TET1: variants seen among roughly 807,000 people sequenced by gnomAD.
The protein encoded by TET1 is tet methylcytosine dioxygenase 1.
Under a neutral mutation model 148.7 loss-of-function variants are expected in TET1, and 13 were observed. The ratio of observed to expected loss-of-function variants is 0.09; its 90% CI spans 0.06 to 0.14. TET1 has a LOEUF of 0.14. TET1 is among the 10% of genes least tolerant of loss of function. The pLI is 1.00. For missense variants in TET1, 2,182 were observed against 2,553.8 expected, an observed-to-expected ratio of 0.85 and a Z score of 3.14; for synonymous variants, 907 against 937.2, an observed-to-expected ratio of 0.97 and a Z score of 0.59.
At chr10:68,582,840 T>C (rs1485992610) in intron 2 of TET1, among the ~76,000 whole-genome samples, 1 of 152,198 alleles carries the variant, frequency 6.6e-6, no homozygotes, top group Non-Finnish European at 1.5e-5. Context: ...AATCTCTTTG[T>C]ATCACTACTG....
chr10:68,688,770 G>A (rs1478445023), intron 11 of TET1, among the ~76,000 whole-genome samples: 1 of 151,930 alleles, frequency 6.6e-6, no homozygotes, highest in Non-Finnish European at 1.5e-5. Flanking sequence ...AGTTGTTCCA[G>A]GCTTATCTAT....
intron 4 of TET1, among the ~76,000 whole-genome samples, chr10:68,647,352 C>T (rs2054866451): frequency 6.6e-6 from 1 of 152,134 alleles, no homozygotes; most frequent in Non-Finnish European, 1.5e-5. Context: ...GCCTGTAATC[C>T]CAACATTTTG....
At chr10:68,627,966 GC>G (rs1183456147) in intron 3 of TET1, among the ~76,000 whole-genome samples, 4 of 151,854 alleles carry the variant, frequency 2.6e-5, no homozygotes, top group Admixed American at 2.0e-4. Context: ...GCACTGCCGT[GC>G]CCGGCCCCCA....
At position 68,681,387 on chromosome 10, in the gene TET1, G is replaced by A. The variant is rs753675881; in HGVS notation, c.4825-12G>A. 1 of 1,582,142 alleles carries A rather than the reference G, an allele frequency of 6.3e-7. No homozygotes were observed. Among genetic ancestry groups the A allele is most frequent in the Admixed American group, 1.7e-5 (1 of 59,372 alleles). ...GATTATAAAATACCTAATGGATTCT[G>A]TTTTCCTATAGGAAAAAAACCTTGA... On this transcript the variant is annotated splice_polypyrimidine_tract_variant and intron_variant, in intron 8 of 11. Transcript: ENST00000373644.
intron 1 of TET1, among the ~76,000 whole-genome samples, chr10:68,561,548 C>T (rs1360871751): frequency 6.6e-6 from 1 of 152,182 alleles, no homozygotes; most frequent in Non-Finnish European, 1.5e-5. Context: ...GGAGCGGGCC[C>T]CGAGGGTGGG....
chr10:68,584,335 C>T (rs2132821637), intron 2 of TET1, among the ~76,000 whole-genome samples: 1 of 151,842 alleles, frequency 6.6e-6, no homozygotes. Flanking sequence ...AGCCACTGCG[C>T]CCGGCCATGA....
intron 4 of TET1, among the ~76,000 whole-genome samples, chr10:68,647,402 G>T (rs1309517350): frequency 6.6e-6 from 1 of 152,110 alleles, no homozygotes; most frequent in African/African-American, 2.4e-5. Context: ...TCAAGAGTTT[G>T]ATACTAGCCT....
In TET1 at chr10:68,646,674, C is replaced by T. The variant is rs191534681; in HGVS notation, c.3945C>T (p.Gly1315=). 20 of 1,614,102 alleles carry T rather than the reference C, an allele frequency of 1.2e-5. No individual in the cohort carries two copies. Among genetic ancestry groups the T allele is most frequent in the African/African-American group, 4.0e-5 (3 of 75,022 alleles). ...PPNQCANVMA[G]DDQIRFQQVV... is the part of the protein sequence containing the mutation. ...ACCAGTGTGCTAACGTGATGGCAGGCGATGACCAAATACGGTTTCAGCAGG... is the reference window on the plus strand; with the variant it reads ...ACCAGTGTGCTAACGTGATGGCAGGTGATGACCAAATACGGTTTCAGCAGG... The change falls in exon 4 of 12, where the codon GGC becomes GGT. Residue 1315 remains glycine (G), a synonymous_variant. Coordinates refer to ENST00000373644, the MANE Select transcript of TET1 (RefSeq NM_030625.3).
intron 3 of TET1, among the ~76,000 whole-genome samples, chr10:68,609,012 A>T (rs548050551): frequency 6.6e-6 from 1 of 151,012 alleles, no homozygotes; most frequent in African/African-American, 2.4e-5. Flanking sequence ...TTGTTTGTTT[A>T]TATGTTTTTA....
chr10:68,615,565 C>T (rs535723936), intron 3 of TET1, among the ~76,000 whole-genome samples: 3 of 152,114 alleles, frequency 2.0e-5, no homozygotes, highest in East Asian at 1.9e-4. Context: ...AGGCTGGTCA[C>T]GAACTCCTGA....
chr10:68,651,384 G>C (rs12243126), intron 4 of TET1, among the ~76,000 whole-genome samples: 29,698 of 151,856 alleles, frequency 0.2, 3,723 homozygotes, highest in African/African-American at 0.35. Flanking sequence ...CCGGGAGGCG[G>C]AGCTTGCAGT....
Position 68,601,033 on chromosome 10 carries a change from A to G in TET1, c.1967A>G (p.Lys656Arg). 1 of 1,602,706 alleles carries G rather than the reference A, an allele frequency of 6.2e-7. No homozygotes were observed. The change falls in exon 3 of 12, where the codon AAG becomes AGG. Residue 656 changes from lysine to arginine, a missense_variant and splice_region_variant. Around this residue, in one of 11 missense-constraint regions of TET1, gnomAD observed 226 missense variants for 307.4 expected, o/e 0.74. Transcript: ENST00000373644. ...AGGGAAAAGAAGCCCAAAGTTTTAA[A>G]GGTAATCAGCTGTTGATTAAATAAT... ...PQREKKPKVLKADFDNKPVNG... is the reference protein window; with the variant it reads ...PQREKKPKVLRADFDNKPVNG...
chr10:68,612,230 C>G (rs1442233129), intron 3 of TET1, among the ~76,000 whole-genome samples: 3 of 152,012 alleles, frequency 2.0e-5, no homozygotes, highest in South Asian at 4.1e-4. Context: ...GCTGGGACAA[C>G]AGGGGCACAC....
At chr10:68,673,070 A>G (rs756972968) in intron 8 of TET1, 25 bp downstream of exon 8, 4 of 1,582,128 alleles carry the variant, frequency 2.5e-6, no homozygotes, top group South Asian at 1.2e-5. Context: ...TTATTCAAAT[A>G]ATTTATTTTT....
At chr10:68,652,048 G>A (rs778231436) in intron 5 of TET1, 112 bp downstream of exon 5, 1 of 1,017,544 alleles carries the variant, frequency 9.8e-7, no homozygotes, top group Non-Finnish European at 1.4e-6. Flanking sequence ...AGGAGTATGA[G>A]TTGGATGTTT....
chr10:68,586,485 G>GTTTTTTTTTTTTTTTTTTTTTTTTT, intron 2 of TET1, among the ~76,000 whole-genome samples: 1 of 133,500 alleles, frequency 7.5e-6, no homozygotes, highest in Non-Finnish European at 1.6e-5. Flanking sequence ...GCCAGCTAAC[G>GTTTTTTTTTTTTTTTTTTTTTTTTT]TTTTTTTTTT....
chr10:68,657,841 A>G (rs2055048038), intron 6 of TET1, among the ~76,000 whole-genome samples: 1 of 152,190 alleles, frequency 6.6e-6, no homozygotes, highest in African/African-American at 2.4e-5. Context: ...AAGGTGGGAA[A>G]AATTTTAAAA....
At chr10:68,611,426 A>G (rs1420844130) in intron 3 of TET1, among the ~76,000 whole-genome samples, 3 of 151,996 alleles carry the variant, frequency 2.0e-5, no homozygotes, top group Non-Finnish European at 4.4e-5. Context: ...GTGGTATGCT[A>G]TGAGAGCTCC....
At chr10:68,670,772 A>G (rs1031928710) in intron 7 of TET1, among the ~76,000 whole-genome samples, 1 of 152,082 alleles carries the variant, frequency 6.6e-6, no homozygotes, top group Non-Finnish European at 1.5e-5. Flanking sequence ...AGTGAATTTC[A>G]TCGTAGTCTT....
Sources: gnomAD v4.1 joint callset for allele counts (sites outside exome capture counted in the v4.1 genomes callset) on GRCh38, gnomAD v4.1.1 for gene constraint, gnomAD v4.1.1 regional missense constraint, MANE v1.5 for transcripts, NCBI Gene and HGNC (gene_info 2026-07-23, HGNC 2026-07-21) for gene names.